The following SIPA1L1 variants were observed in gnomAD, a reference collection of about 807,000 sequenced individuals.
The protein encoded by SIPA1L1 is signal induced proliferation associated 1 like 1.
A neutral mutation model predicts 162.7 loss-of-function variants in SIPA1L1; 26 were observed. The observed-to-expected ratio is 0.16, with a 90% CI of 0.12 to 0.22. The LOEUF is 0.22. Among genes scored for constraint, SIPA1L1 ranks in the 10% least tolerant of loss-of-function variants. The pLI, the probability that SIPA1L1 is intolerant of heterozygous loss-of-function variation, is 1.00. For synonymous variants in SIPA1L1, 829 were observed against 837.4 expected, an observed-to-expected ratio of 0.99 and a Z score of 0.17; for missense variants, 1,874 against 2,241.0, an observed-to-expected ratio of 0.84 and a Z score of 3.31.
intron 2 of SIPA1L1, among the ~76,000 whole-genome samples, chr14:71,499,298 G>A (rs1437948072): frequency 6.6e-6 from 1 of 152,162 alleles, no homozygotes; most frequent in Non-Finnish European, 1.5e-5. Flanking sequence ...GGCTATGATC[G>A]TGTCACTGCA....
At chr14:71,508,531 G>A (rs977286507) in intron 2 of SIPA1L1, among the ~76,000 whole-genome samples, 2 of 152,238 alleles carry the variant, frequency 1.3e-5, no homozygotes, top group African/African-American at 4.8e-5. Flanking sequence ...TTTGGAAAGA[G>A]AGAAGATACT....
chr14:71,460,627 G>A (rs753378349), intron 2 of SIPA1L1, among the ~76,000 whole-genome samples: 6 of 152,062 alleles, frequency 3.9e-5, no homozygotes, highest in African/African-American at 1.2e-4. Flanking sequence ...TGGTGGCAGC[G>A]TTCCTCCCTC....
At chr14:71,536,984 A>G (rs2053959163) in intron 4 of SIPA1L1, among the ~76,000 whole-genome samples, 1 of 152,152 alleles carries the variant, frequency 6.6e-6, no homozygotes, top group Non-Finnish European at 1.5e-5. Context: ...TTGTATGGTC[A>G]TATGCAATAG....
intron 2 of SIPA1L1, chr14:71,416,308 G>A (rs2042757675): frequency 6.6e-6 from 1 of 152,074 alleles, no homozygotes. Context: ...AGAACTGATG[G>A]ATCTCATGAC....
chr14:71,348,481 T>C (rs2036389871), intron 2 of SIPA1L1, among the ~76,000 whole-genome samples: 2 of 152,210 alleles, frequency 1.3e-5, no homozygotes, highest in African/African-American at 4.8e-5. Flanking sequence ...TCCAACTCTT[T>C]ATACTGTCTT....
chr14:71,632,390 C>A (rs1207318541), intron 7 of SIPA1L1, among the ~76,000 whole-genome samples: 1 of 152,142 alleles, frequency 6.6e-6, no homozygotes, highest in Non-Finnish European at 1.5e-5. Context: ...CCAAAAAAAA[C>A]AAACTTAGAA....
intron 5 of SIPA1L1, among the ~76,000 whole-genome samples, chr14:71,617,023 G>A (rs1809592352): frequency 6.6e-6 from 1 of 152,166 alleles, no homozygotes; most frequent in South Asian, 2.1e-4. Context: ...CTCACACTCT[G>A]ATGCATCTAC....
rs2043235034 is a variant in SIPA1L1, at chr14:71,658,310, CATT to C, written c.1994-20_1994-18del. 1 of 1,154,272 alleles carries C rather than the reference CATT, an allele frequency of 8.7e-7. No individual in the cohort carries two copies. The highest frequency in any genetic ancestry group is 1.5e-5 in the African/African-American group (1 of 65,608). The allele number at this position is 1,154,272 out of a possible 1,614,324, so 71.5% of individuals were successfully genotyped here. On this transcript the variant is annotated intron_variant, in intron 8 of 23. Coordinates refer to ENST00000381232, the MANE Select transcript of SIPA1L1 (RefSeq NM_001386936.1). ...ATTTTTCCTGTTATAGTCATCTCAT[CATT>C]ATATTTTTTTTAACTGTAGCTGACT... is the stretch of plus-strand genomic sequence containing the variant.
chr14:71,399,607 C>A (rs2041501644), intron 2 of SIPA1L1, among the ~76,000 whole-genome samples: 1 of 152,132 alleles, frequency 6.6e-6, no homozygotes, highest in South Asian at 2.1e-4. Context: ...TAGGGCCTTG[C>A]TATGTTGCCT....
chr14:71,730,918 G>T (rs111546959), intron 20 of SIPA1L1, among the ~76,000 whole-genome samples: 3 of 152,128 alleles, frequency 2.0e-5, no homozygotes, highest in Non-Finnish European at 4.4e-5. Flanking sequence ...TGGCACTCGG[G>T]ATTTAAATTT....
chr14:71,726,984 C>A (rs2084300634), intron 19 of SIPA1L1, among the ~76,000 whole-genome samples: 1 of 152,076 alleles, frequency 6.6e-6, no homozygotes, highest in African/African-American at 2.4e-5. Context: ...ACTCATGTGC[C>A]ACATTGATTT....
chr14:71,417,494 A>AAAAAAAAAAG, intron 2 of SIPA1L1, among the ~76,000 whole-genome samples: 2 of 147,526 alleles, frequency 1.4e-5, no homozygotes, highest in Non-Finnish European at 1.5e-5. Context: ...AAAAAAAAAA[A>AAAAAAAAAAG]AAAAAAAAAG....
chr14:71,563,567 G>A (rs2056959195), intron 4 of SIPA1L1, among the ~76,000 whole-genome samples: 1 of 152,128 alleles, frequency 6.6e-6, no homozygotes, highest in Non-Finnish European at 1.5e-5. Flanking sequence ...AAATGATTTT[G>A]AGTGTAACAT....
intron 6 of SIPA1L1, among the ~76,000 whole-genome samples, chr14:71,623,013 A>G (rs1056107053): frequency 1.3e-5 from 2 of 152,156 alleles, no homozygotes; most frequent in Non-Finnish European, 2.9e-5. Context: ...TTCTTTTTGT[A>G]GAAATTGTTC....
chr14:71,386,898 G>A (rs963428086), intron 2 of SIPA1L1, among the ~76,000 whole-genome samples: 10 of 152,090 alleles, frequency 6.6e-5, no homozygotes, highest in Non-Finnish European at 2.9e-5. Flanking sequence ...TCATTGGTTT[G>A]TGTGAAAAAT....
At chr14:71,462,939 A>G (rs2046715387) in intron 2 of SIPA1L1, among the ~76,000 whole-genome samples, 1 of 152,258 alleles carries the variant, frequency 6.6e-6, no homozygotes, top group South Asian at 2.1e-4. Flanking sequence ...GGCATTTGCC[A>G]CGTCTATGGC....
intron 2 of SIPA1L1, among the ~76,000 whole-genome samples, chr14:71,340,261 T>C (rs2035513242): frequency 6.6e-6 from 1 of 152,174 alleles, no homozygotes; most frequent in African/African-American, 2.4e-5. Context: ...TTTCGTATCT[T>C]TAACAATGAT....
At chr14:71,568,531 C>T (rs371190789) in intron 4 of SIPA1L1, among the ~76,000 whole-genome samples, 2 of 152,032 alleles carry the variant, frequency 1.3e-5, no homozygotes, top group African/African-American at 2.4e-5. Flanking sequence ...CTCCTTGGTT[C>T]GCTAGGAAGA....
intron 2 of SIPA1L1, among the ~76,000 whole-genome samples, chr14:71,331,128 T>A (rs879612431): frequency 2.6e-5 from 4 of 152,238 alleles, no homozygotes; most frequent in Non-Finnish European, 5.9e-5. Flanking sequence ...GGTATCTTAT[T>A]TTTTCCAACA....
Sources: gnomAD v4.1 joint callset for allele counts (sites outside exome capture counted in the v4.1 genomes callset) on GRCh38, gnomAD v4.1.1 for gene constraint, MANE v1.5 for transcripts, NCBI Gene and HGNC (gene_info 2026-07-23, HGNC 2026-07-21) for gene names.